LRCH3: variants seen among roughly 807,000 people sequenced by gnomAD.
LRCH3 encodes leucine rich repeats and calponin homology domain containing 3.
In LRCH3, 68 loss-of-function variants were observed where a neutral mutation model predicts 104.5. The ratio of observed to expected loss-of-function variants is 0.65; its 90% CI spans 0.54 to 0.80. The LOEUF is 0.80. LRCH3 is among the 30% of genes least tolerant of loss of function. The probability of loss-of-function intolerance (pLI) is 0.00; values close to 1 mark genes in which losing one functional copy is unlikely to be tolerated. For missense variants in LRCH3, 951 were observed against 953.9 expected (o/e 1.00, Z 0.04); for synonymous variants, 344 against 361.3 (o/e 0.95, Z 0.54).
intron 19 of LRCH3, among the ~76,000 whole-genome samples, chr3:197,874,657 C>T (rs753282964): frequency 6.6e-6 from 1 of 152,078 alleles, no homozygotes; most frequent in Non-Finnish European, 1.5e-5. Context: ...TCCCTGGTGC[C>T]AAAAAGGTTG....
rs778621543 is a variant in LRCH3 at position 197,879,831 on chromosome 3, CTTT to C, written c.2209-3697_2209-3695del. ...GTTTTCGTCCTTGCTTTCTGACCTA[CTTT>C]TTTTTTTTTTTTAAATAGAGGAGAA... On this transcript the variant is annotated intron_variant, in intron 20 of 20. Transcript: ENST00000425562. 4.4e-4 allele frequency among the ~76,000 whole-genome samples: 62 copies of C among 142,068 alleles called. 1 individual carries two copies. Among genetic ancestry groups the C allele is most frequent in the Non-Finnish European group, 4.8e-4 (31 of 64,714 alleles). The allele number at this position is 142,068 out of a possible 152,430, so 93.2% of individuals were successfully genotyped here.
intron 15 of LRCH3, among the ~76,000 whole-genome samples, chr3:197,859,870 C>A (rs756773572): frequency 6.6e-6 from 1 of 151,892 alleles, no homozygotes; most frequent in South Asian, 2.1e-4. Flanking sequence ...AACTCAGATT[C>A]TTTTACATGC....
At chr3:197,807,075 C>A (rs1027479585) in intron 1 of LRCH3, among the ~76,000 whole-genome samples, 4 of 151,474 alleles carry the variant, frequency 2.6e-5, no homozygotes, top group Non-Finnish European at 5.9e-5. Flanking sequence ...TACACACATA[C>A]AAGAGTTAAA....
intron 10 of LRCH3, among the ~76,000 whole-genome samples, chr3:197,843,766 C>T (rs1162206829): frequency 6.6e-6 from 1 of 152,184 alleles, no homozygotes; most frequent in African/African-American, 2.4e-5. Flanking sequence ...GAGATACATA[C>T]ATGTTACCTG....
At chr3:197,819,903 C>T (rs760129203) in intron 3 of LRCH3, among the ~76,000 whole-genome samples, 9 of 152,036 alleles carry the variant, frequency 5.9e-5, no homozygotes, top group Non-Finnish European at 1.3e-4. Context: ...AGAGACAAGG[C>T]CTTACCATGT....
intron 12 of LRCH3, among the ~76,000 whole-genome samples, chr3:197,848,829 C>T (rs759244591): frequency 3.9e-5 from 6 of 152,178 alleles, no homozygotes; most frequent in Admixed American, 6.5e-5. Flanking sequence ...AAGTACGATG[C>T]GTATGTCTGT....
At chr3:197,813,487 G>A (rs555962906) in intron 1 of LRCH3, among the ~76,000 whole-genome samples, 28 of 119,562 alleles carry the variant, frequency 2.3e-4, no homozygotes, top group Middle Eastern at 0.012. Context: ...GTAATGTTCC[G>A]TTCTTCTAAT....
intron 9 of LRCH3, among the ~76,000 whole-genome samples, chr3:197,838,872 G>A (rs1330440220): frequency 6.6e-6 from 1 of 152,124 alleles, no homozygotes; most frequent in Non-Finnish European, 1.5e-5. Context: ...TTGTTGTGAT[G>A]GATAAATAAA....
At chr3:197,805,755 C>A (rs1008016055) in intron 1 of LRCH3, among the ~76,000 whole-genome samples, 1 of 151,796 alleles carries the variant, frequency 6.6e-6, no homozygotes, top group Non-Finnish European at 1.5e-5. Flanking sequence ...CTGATATACT[C>A]CTCTGATTAT....
intron 13 of LRCH3, among the ~76,000 whole-genome samples, chr3:197,853,405 G>A (rs1313736821): frequency 6.6e-6 from 1 of 152,060 alleles, no homozygotes; most frequent in Non-Finnish European, 1.5e-5. Flanking sequence ...GGTCAGGCTG[G>A]TCTCGAACTC....
In LRCH3 at chr3:197,810,604, G is replaced by T. The variant is rs192647252; in HGVS notation, c.263-4304G>T. Among the ~76,000 whole-genome samples the T allele has an allele frequency of 6.6e-6, 1 of 151,850 alleles. No homozygotes were observed. The highest frequency in any genetic ancestry group is 2.4e-5 in the African/African-American group (1 of 41,366). On this transcript the variant is annotated intron_variant, in intron 1 of 20. Coordinates refer to ENST00000425562, the MANE Select transcript of LRCH3 (RefSeq NM_001365715.1). This position sits in a 1 kb window ranked among gnomAD's most constrained non-coding sequence, Gnocchi z 4.0. ...TTATCTGTTTTATGTATATTATCTC[G>T]GGTTTTTAGTTATAAATTAAAATTT... is the stretch of plus-strand genomic sequence containing the variant.
intron 10 of LRCH3, among the ~76,000 whole-genome samples, chr3:197,845,419 AAAAG>A (rs1553922336): frequency 5.7e-4 from 86 of 151,692 alleles, no homozygotes; most frequent in Admixed American, 3.9e-4. Flanking sequence ...AAAAAAAAAA[AAAAG>A]AAAGAAAGAA....
rs759439428 is a variant in LRCH3, at chr3:197,835,652, GGT to G, written c.1103-12_1103-11del. 12 of 1,574,938 alleles carry G rather than the reference GGT, an allele frequency of 7.6e-6. No individual in the cohort carries two copies. Among genetic ancestry groups the G allele is most frequent in the Admixed American group, 3.6e-5 (2 of 56,144 alleles). ...TTTTTCTGGTGTGTGTGTGTGTGTG[GGT>G]GTGTGTGTGGTGTATACAGTGGAAC... On this transcript the variant is annotated intron_variant, in intron 8 of 20. Transcript: ENST00000425562.
intron 8 of LRCH3, 83 bp downstream of exon 8, chr3:197,832,400 T>C (rs1438346875): frequency 2.8e-5 from 41 of 1,440,952 alleles, no homozygotes; most frequent in Middle Eastern, 3.6e-4. Flanking sequence ...ACTCCTTTTG[T>C]TGGTGTATCT....
At chr3:197,874,714 G>A (rs916861183) in intron 19 of LRCH3, among the ~76,000 whole-genome samples, 2 of 151,584 alleles carry the variant, frequency 1.3e-5, no homozygotes, top group Non-Finnish European at 2.9e-5. Flanking sequence ...GAAAAAAAAA[G>A]TTTGTAACTA....
At chr3:197,864,395 G>A (rs1741217459) in intron 15 of LRCH3, among the ~76,000 whole-genome samples, 2 of 149,618 alleles carry the variant, frequency 1.3e-5, no homozygotes. Flanking sequence ...ATCACCTGAG[G>A]TTGGGAGTTC....
chr3:197,865,274 C>A, intron 15 of LRCH3, 149 bp from the exon 16 acceptor site: 1 of 528,120 alleles, frequency 1.9e-6, no homozygotes, highest in Non-Finnish European at 3.4e-6. Context: ...AGGCATGAGC[C>A]ACTGCACCTG....
At chr3:197,882,984 G>A in intron 20 of LRCH3, 5 of 985,372 alleles carry the variant, frequency 5.1e-6, no homozygotes, top group Non-Finnish European at 6.0e-6. Flanking sequence ...AAGAGCTCAG[G>A]ATACACTGAG....
intron 17 of LRCH3, 65 bp downstream of exon 17, chr3:197,866,284 G>A: frequency 8.9e-7 from 1 of 1,123,072 alleles, no homozygotes; most frequent in Non-Finnish European, 1.4e-6. Flanking sequence ...CTAGCTGTTA[G>A]ATGGATGCTT....
Sources: gnomAD v4.1 joint callset for allele counts (sites outside exome capture counted in the v4.1 genomes callset) on GRCh38, gnomAD v4.1.1 for gene constraint, Gnocchi (gnomAD v3.1) non-coding constraint, MANE v1.5 for transcripts, NCBI Gene and HGNC (gene_info 2026-07-23, HGNC 2026-07-21) for gene names.